The following CTNNA3 variants were observed in gnomAD, a reference collection of about 807,000 sequenced individuals.
CTNNA3 encodes catenin alpha 3.
Under a neutral mutation model 95.7 loss-of-function variants are expected in CTNNA3, and 76 were observed. The observed-to-expected ratio is 0.79, with a 90% CI of 0.66 to 0.96. CTNNA3 has a LOEUF of 0.96. Among genes scored for constraint, CTNNA3 ranks in the 40% least tolerant of loss-of-function variants. The probability of loss-of-function intolerance (pLI) is 0.00; values close to 1 mark genes in which losing one functional copy is unlikely to be tolerated. For synonymous variants in CTNNA3, 431 were observed against 374.4 expected (o/e 1.15, Z -1.74); for missense variants, 1,191 against 1,089.8 (o/e 1.09, Z -1.31).
chr10:67,722,916 C>T (rs1397721212), intron 1 of CTNNA3, among the ~76,000 whole-genome samples: 1 of 151,624 alleles, frequency 6.6e-6, no homozygotes, highest in African/African-American at 2.4e-5. Flanking sequence ...TAAAGAAACA[C>T]TCTATAACAC....
intron 7 of CTNNA3, among the ~76,000 whole-genome samples, chr10:67,143,850 T>G (rs912327150): frequency 6.6e-6 from 1 of 152,200 alleles, no homozygotes; most frequent in South Asian, 2.1e-4. Context: ...CCTGATAATG[T>G]TGATATTTTG....
At chr10:67,483,682 A>T (rs1390876929) in intron 5 of CTNNA3, among the ~76,000 whole-genome samples, 29 of 151,658 alleles carry the variant, frequency 1.9e-4, no homozygotes, top group Non-Finnish European at 4.4e-5. Flanking sequence ...TGGGTGCAGC[A>T]CACCAGCATG....
At chr10:66,417,060 A>T (rs1233950750) in intron 11 of CTNNA3, among the ~76,000 whole-genome samples, 1 of 152,068 alleles carries the variant, frequency 6.6e-6, no homozygotes, top group Non-Finnish European at 1.5e-5. Flanking sequence ...TTGAACATAA[A>T]TGGATTAAAT....
intron 9 of CTNNA3, among the ~76,000 whole-genome samples, chr10:66,648,590 G>C (rs1483876942): frequency 6.6e-6 from 1 of 152,030 alleles, no homozygotes; most frequent in Admixed American, 6.6e-5. Flanking sequence ...AATGTTTTCT[G>C]AAGAACATTG....
intron 12 of CTNNA3, among the ~76,000 whole-genome samples, chr10:66,329,106 A>C (rs540722458): frequency 6.6e-6 from 1 of 150,656 alleles, no homozygotes; most frequent in Non-Finnish European, 1.5e-5. Context: ...GTGTGCCATC[A>C]CACTCTGCTA....
chr10:66,927,201 C>T lies in CTNNA3; in HGVS notation c.1048-151677G>A, dbSNP rs267602549. 39 of 1,614,064 alleles carry T rather than the reference C, an allele frequency of 2.4e-5. No individual in the cohort carries two copies. The highest frequency in any genetic ancestry group is 3.0e-5 in the Non-Finnish European group (35 of 1,180,050). On this transcript the variant is annotated intron_variant, in intron 7 of 17. Transcript: ENST00000433211. This position sits in a 1 kb window ranked among gnomAD's most constrained non-coding sequence, Gnocchi z 4.7. ...TCACCTGGCTATACCTTGACCATAA[C>T]CATATCAGCAATATTGACGAAAATG...
chr10:66,704,059 A>G (rs74584312), intron 9 of CTNNA3, among the ~76,000 whole-genome samples: 3,218 of 152,200 alleles, frequency 0.021, 119 homozygotes, highest in African/African-American at 0.074. Flanking sequence ...CCCGATTCGT[A>G]TTCCATTAAG....
chr10:67,592,864 A>G (rs1842830171), intron 3 of CTNNA3, among the ~76,000 whole-genome samples: 1 of 152,172 alleles, frequency 6.6e-6, no homozygotes, highest in African/African-American at 2.4e-5. Context: ...CAGATTTGTT[A>G]CATCAGTAAA....
At chr10:67,627,347 C>T (rs986533390) in intron 2 of CTNNA3, among the ~76,000 whole-genome samples, 2 of 152,134 alleles carry the variant, frequency 1.3e-5, no homozygotes, top group Admixed American at 1.3e-4. Context: ...CATGGGTACT[C>T]AGAACCCAGG....
intron 15 of CTNNA3, among the ~76,000 whole-genome samples, chr10:66,012,782 T>G (rs1185157650): frequency 6.6e-6 from 1 of 152,190 alleles, no homozygotes; most frequent in Non-Finnish European, 1.5e-5. Flanking sequence ...CATAACTCCA[T>G]GGGATAGTTT....
chr10:67,502,770 G>A (rs1454334713), intron 5 of CTNNA3, among the ~76,000 whole-genome samples: 1 of 152,192 alleles, frequency 6.6e-6, no homozygotes, highest in Admixed American at 6.5e-5. Flanking sequence ...TACATTGTGA[G>A]GGGAAAACTG....
intron 7 of CTNNA3, among the ~76,000 whole-genome samples, chr10:66,817,817 A>T (rs1297645079): frequency 1.3e-5 from 2 of 152,030 alleles, no homozygotes; most frequent in Non-Finnish European, 2.9e-5. Context: ...TTACATTGAC[A>T]CTAAAACTAA....
chr10:67,272,381 G>A (rs778642614), intron 5 of CTNNA3, among the ~76,000 whole-genome samples: 10 of 151,794 alleles, frequency 6.6e-5, no homozygotes, highest in Non-Finnish European at 1.3e-4. Context: ...GAGAAACCTT[G>A]TCTCTACAAA....
At chr10:67,610,013 T>C (rs897390696) in intron 2 of CTNNA3, among the ~76,000 whole-genome samples, 1 of 152,246 alleles carries the variant, frequency 6.6e-6, no homozygotes, top group Admixed American at 6.5e-5. Context: ...AATTTATATA[T>C]TGAGAGTTGA....
At chr10:67,527,053 T>C (rs1341556541) in intron 4 of CTNNA3, among the ~76,000 whole-genome samples, 2 of 152,128 alleles carry the variant, frequency 1.3e-5, no homozygotes, top group African/African-American at 4.8e-5. Context: ...GGTCAGGAGT[T>C]CGAGACCAGC....
At chr10:67,231,054 C>T (rs867718673) in intron 5 of CTNNA3, among the ~76,000 whole-genome samples, 43 of 152,256 alleles carry the variant, frequency 2.8e-4, no homozygotes, top group Middle Eastern at 3.4e-3. Flanking sequence ...ATTGCTAGCA[C>T]AGCAGTCTGA....
chr10:67,387,922 T>C lies in CTNNA3; in HGVS notation c.579+133920A>G, dbSNP rs1844262254. Among the ~76,000 whole-genome samples the C allele has an allele frequency of 3.3e-5, 5 of 151,942 alleles. No homozygotes were observed. In the South Asian group the frequency reaches 1.0e-3, roughly 32 times the overall value. On this transcript the variant is annotated intron_variant, in intron 5 of 17. Coordinates refer to ENST00000433211, the MANE Select transcript of CTNNA3 (RefSeq NM_013266.4). ...AAAACCCATCTGTACATCACCATCA[T>C]CAAAGACCAAAAGTAGATAAAACCA...
intron 14 of CTNNA3, among the ~76,000 whole-genome samples, chr10:66,076,435 T>C (rs896724726): frequency 4.6e-5 from 7 of 151,722 alleles, no homozygotes; most frequent in African/African-American, 1.7e-4. Flanking sequence ...AGAGCAATTT[T>C]CTGTAATATT....
chr10:66,404,682 C>G (rs921711642), intron 11 of CTNNA3, among the ~76,000 whole-genome samples: 43 of 152,256 alleles, frequency 2.8e-4, no homozygotes, highest in Admixed American at 2.5e-3. Context: ...GGTCAGACTT[C>G]TCCAACCTGC....
Sources: gnomAD v4.1 joint callset for allele counts (sites outside exome capture counted in the v4.1 genomes callset) on GRCh38, gnomAD v4.1.1 for gene constraint, Gnocchi (gnomAD v3.1) non-coding constraint, MANE v1.5 for transcripts, NCBI Gene and HGNC (gene_info 2026-07-23, HGNC 2026-07-21) for gene names.